The following SHKBP1 variants were observed in gnomAD, a reference collection of about 807,000 sequenced individuals.
SHKBP1 encodes the protein SH3KBP1 binding protein 1.
A neutral mutation model predicts 83.9 loss-of-function variants in SHKBP1; 71 were observed. The observed-to-expected ratio is 0.85, with a 90% CI of 0.70 to 1.03. The LOEUF is 1.03. Among genes scored for constraint, SHKBP1 ranks in the 50% least tolerant of loss-of-function variants. The pLI is 0.00. For synonymous variants in SHKBP1, 371 were observed against 398.0 expected (o/e 0.93, Z 0.81); for missense variants, 824 against 982.4 (o/e 0.84, Z 2.16).
intron 13 of SHKBP1, 39 bp from the exon 14 acceptor site, chr19:40,588,585 G>A (rs945608763): frequency 6.2e-7 from 1 of 1,612,604 alleles, no homozygotes; most frequent in Non-Finnish European, 8.5e-7. Context: ...ATTGATGCCT[G>A]CACCAGGCCT....
Position 40,577,540 on chromosome 19 carries a change from GCCC to G in SHKBP1, c.187-13_187-11del. ...CTGCCTTTTACCCCATCCATCCTCT[GCCC>G]CCCTTTCCCGCAGATCTTCATCGAC... On this transcript the variant is annotated splice_polypyrimidine_tract_variant and intron_variant, in intron 3 of 17. Transcript: ENST00000291842. The G allele has an allele frequency of 3.1e-6, 5 of 1,613,984 alleles. No homozygotes were observed. The highest frequency in any genetic ancestry group is 1.6e-4 in the Middle Eastern group (1 of 6,062).
chr19:40,587,486 G>A (rs2081321887), intron 13 of SHKBP1, among the ~76,000 whole-genome samples: 2 of 152,204 alleles, frequency 1.3e-5, no homozygotes, highest in African/African-American at 2.4e-5. Flanking sequence ...CGCTACTCGG[G>A]AGGCCGAGGG....
At chr19:40,588,988 G>C in intron 14 of SHKBP1, 94 bp from the exon 15 acceptor site, 1 of 1,380,880 alleles carries the variant, frequency 7.2e-7, no homozygotes, top group Non-Finnish European at 1.0e-6. Flanking sequence ...GGATGGGACT[G>C]GGGTCTTGGG....
At chr19:40,577,139 G>C in intron 1 of SHKBP1, 92 bp from the exon 2 acceptor site, 1 of 1,508,220 alleles carries the variant, frequency 6.6e-7, no homozygotes, top group Non-Finnish European at 9.1e-7. Flanking sequence ...GGGGGAGGGG[G>C]AAGGGGAGGG....
chr19:40,590,585 C>A lies in SHKBP1; in HGVS notation c.1769-145C>A. The A allele has an allele frequency of 3.8e-6, 5 of 1,301,220 alleles. No homozygotes were observed. Among genetic ancestry groups the A allele is most frequent in the Non-Finnish European group, 3.2e-6 (3 of 945,156 alleles). 80.6% of individuals were successfully genotyped at this position (1,301,220 alleles called of 1,614,324 possible). A position where few individuals can be genotyped will look rare whatever the true frequency, so the allele number is the denominator to read the frequency against. On this transcript the variant is annotated intron_variant, in intron 16 of 17. Transcript: ENST00000291842. The surrounding 1 kb of genome is among the most constrained non-coding windows in gnomAD (Gnocchi z 4.6). ...ATCCCTTCCTGCCCTTGTTTTTCAA[C>A]CCCTGTCTCAGCCTCTGGCCCCCAT...
At chr19:40,584,834 G>T (rs561332292) in intron 12 of SHKBP1, among the ~76,000 whole-genome samples, 2 of 152,302 alleles carry the variant, frequency 1.3e-5, no homozygotes, top group East Asian at 1.9e-4. Flanking sequence ...CGTTGGCCAG[G>T]CTCAATATGC....
rs202043043 is a variant in SHKBP1 at position 40,578,455 on chromosome 19, G to A, written c.320-7G>A. On this transcript the variant is annotated splice_region_variant and splice_polypyrimidine_tract_variant and intron_variant, in intron 5 of 17. Coordinates refer to ENST00000291842, the MANE Select transcript of SHKBP1 (RefSeq NM_138392.4). ...TAAGTCCCAGCCTTTAAGTCCTCCTGTTGCAGTTCGTCGCCTGCAGCTTCG... is the reference window on the plus strand; with the variant it reads ...TAAGTCCCAGCCTTTAAGTCCTCCTATTGCAGTTCGTCGCCTGCAGCTTCG... 8 of 1,614,146 alleles carry A rather than the reference G, an allele frequency of 5.0e-6. No individual in the cohort carries two copies. The highest frequency in any genetic ancestry group is 1.7e-5 in the Admixed American group (1 of 60,012).
chr19:40,587,045 G>A, intron 13 of SHKBP1, 101 bp downstream of exon 13: 1 of 1,140,094 alleles, frequency 8.8e-7, no homozygotes, highest in Non-Finnish European at 1.2e-6. Flanking sequence ...CATTGTGTAG[G>A]AAGAGAGCTC....
Position 40,590,084 on chromosome 19 carries a change from A to G in SHKBP1, c.1590-160A>G, listed in dbSNP as rs1026648118. The G allele has an allele frequency of 1.3e-6, 1 of 762,362 alleles. No individual in the cohort carries two copies. The highest frequency in any genetic ancestry group is 1.8e-5 in the African/African-American group (1 of 56,070). 47.2% of individuals were successfully genotyped at this position (762,362 alleles called of 1,614,324 possible). A position where few individuals can be genotyped will look rare whatever the true frequency, so the allele number is the denominator to read the frequency against. ...GGTGTTTGGGGCTGCGGTGTCCAAG[A>G]GCTGCTGGACCCTTGGGACTGGAAC... On this transcript the variant is annotated intron_variant, in intron 15 of 17. Coordinates refer to ENST00000291842, the MANE Select transcript of SHKBP1 (RefSeq NM_138392.4). This position sits in a 1 kb window ranked among gnomAD's most constrained non-coding sequence, Gnocchi z 4.6.
chr19:40,581,033 C>T, intron 9 of SHKBP1, 97 bp downstream of exon 9: 1 of 1,194,824 alleles, frequency 8.4e-7, no homozygotes, highest in Non-Finnish European at 1.2e-6. Context: ...CATAAGAATT[C>T]TCTGCTCTAT....
At position 40,590,118 on chromosome 19, in the gene SHKBP1, A is replaced by T; in HGVS notation, c.1590-126A>T. The T allele has an allele frequency of 9.1e-7, 1 of 1,101,682 alleles. No individual in the cohort carries two copies. Among genetic ancestry groups the T allele is most frequent in the Non-Finnish European group, 1.3e-6 (1 of 797,230 alleles). The allele number at this position is 1,101,682 out of a possible 1,614,324, so 68.2% of individuals were successfully genotyped here. A position where few individuals can be genotyped will look rare whatever the true frequency, so the allele number is the denominator to read the frequency against. On this transcript the variant is annotated intron_variant, in intron 15 of 17. Transcript: ENST00000291842. The surrounding 1 kb of genome is among the most constrained non-coding windows in gnomAD (Gnocchi z 4.6). ...ACCCTTGGGACTGGAACTCAAAAGC[A>T]GGCTAGGGATGGATAAAGATTGGGA...
chr19:40,578,084 A>G, intron 4 of SHKBP1, 70 bp from the exon 5 acceptor site: 1 of 1,317,882 alleles, frequency 7.6e-7, no homozygotes, highest in Non-Finnish European at 1.1e-6. Flanking sequence ...AGTTTTGAAA[A>G]TTACCCTCTC....
rs1309528054 is a variant in SHKBP1 at position 40,590,439 on chromosome 19, C to T, written c.1768+17C>T. 11 of 1,589,980 alleles carry T rather than the reference C, an allele frequency of 6.9e-6. No homozygotes were observed. The highest frequency in any genetic ancestry group is 9.4e-6 in the Non-Finnish European group (11 of 1,167,542). The stretch of plus-strand genomic sequence containing the variant: ...AGGCCCCTGGTACTCCCTGCCCCAC[C>T]CCAATCCCGTCCCAAGCCCCACAGC... On this transcript the variant is annotated intron_variant, in intron 16 of 17. Transcript: ENST00000291842. The surrounding 1 kb of genome is among the most constrained non-coding windows in gnomAD (Gnocchi z 4.6).
chr19:40,584,284 C>T (rs410101), intron 12 of SHKBP1, among the ~76,000 whole-genome samples: 60,173 of 152,034 alleles, frequency 0.4, 12,680 homozygotes, highest in African/African-American at 0.54. Flanking sequence ...TTCTTTCCCA[C>T]CTTTGTGATT....
Position 40,590,572 on chromosome 19 carries a change from C to G in SHKBP1, c.1768+150C>G. ...CTCTCTGCTCCCCATCCCTTCCTGCCCTTGTTTTTCAACCCCTGTCTCAGC... is the reference window on the plus strand; with the variant it reads ...CTCTCTGCTCCCCATCCCTTCCTGCGCTTGTTTTTCAACCCCTGTCTCAGC... On this transcript the variant is annotated intron_variant, in intron 16 of 17. Transcript: ENST00000291842. This position sits in a 1 kb window ranked among gnomAD's most constrained non-coding sequence, Gnocchi z 4.6. The G allele has an allele frequency of 7.8e-7, 1 of 1,279,618 alleles. No individual in the cohort carries two copies. Among genetic ancestry groups the G allele is most frequent in the Non-Finnish European group, 1.1e-6 (1 of 922,152 alleles). The allele number at this position is 1,279,618 out of a possible 1,614,324, so 79.3% of individuals were successfully genotyped here.
chr19:40,577,184 C>T (rs2081221974), intron 1 of SHKBP1, 47 bp from the exon 2 acceptor site: 2 of 1,606,520 alleles, frequency 1.2e-6, no homozygotes, highest in African/African-American at 1.3e-5. Flanking sequence ...ACGCATTCCT[C>T]ACCCGCTCCT....
intron 13 of SHKBP1, among the ~76,000 whole-genome samples, chr19:40,588,311 C>T (rs2081328076): frequency 2.0e-5 from 3 of 152,138 alleles, no homozygotes; most frequent in Admixed American, 2.0e-4. Context: ...TGGGAGCACA[C>T]TACTGGGATA....
Position 40,580,409 on chromosome 19 carries a change from C to G in SHKBP1, c.486C>G (p.Asn162Lys). ...GGCCAGCCCCTGTCCGACGGAGCAA[C>G]ACGATGCCCCCCAACCTTGGCAATG... ...GGRPAPVRRS[N>K]TMPPNLGNAG... is the part of the protein sequence containing the mutation. The change falls in exon 7 of 18, where the codon AAC becomes AAG. Residue 162 changes from asparagine to lysine, a missense_variant. Coordinates refer to ENST00000291842, the MANE Select transcript of SHKBP1 (RefSeq NM_138392.4). 6.2e-7 allele frequency: 1 copy of G among 1,614,224 alleles called. No individual in the cohort carries two copies. The highest frequency in any genetic ancestry group is 8.5e-7 in the Non-Finnish European group (1 of 1,180,048).
intron 9 of SHKBP1, 115 bp from the exon 10 acceptor site, chr19:40,582,236 C>A: frequency 1.2e-6 from 1 of 832,792 alleles, no homozygotes; most frequent in Non-Finnish European, 2.1e-6. Context: ...ATGGAATCTT[C>A]TATCCTTCAA....
Sources: allele counts gnomAD v4.1 joint callset (sites outside exome capture counted in the v4.1 genomes callset), GRCh38; gene constraint gnomAD v4.1.1; non-coding constraint Gnocchi (gnomAD v3.1); transcripts MANE v1.5; gene names NCBI Gene and HGNC (gene_info 2026-07-23, HGNC 2026-07-21).